DSCAM: variants seen among roughly 807,000 people sequenced by gnomAD.
DSCAM encodes the protein cell adhesion molecule DSCAM.
DSCAM carries 47 observed loss-of-function variants against 217.7 expected under a neutral mutation model. The observed-to-expected ratio is 0.22, with a 90% CI of 0.17 to 0.28. DSCAM has a LOEUF of 0.28. Among genes scored for constraint, DSCAM ranks in the 10% least tolerant of loss-of-function variants. DSCAM has a pLI of 1.00. For missense variants in DSCAM, 2,080 were observed against 2,618.3 expected, an observed-to-expected ratio of 0.79 and a Z score of 4.49; for synonymous variants, 1,056 against 1,015.3, an observed-to-expected ratio of 1.04 and a Z score of -0.76.
chr21:40,294,021 T>A (rs1429067446), intron 10 of DSCAM, among the ~76,000 whole-genome samples: 1 of 152,232 alleles, frequency 6.6e-6, no homozygotes, highest in African/African-American at 2.4e-5. Flanking sequence ...GCAGCAGTTA[T>A]CTTTGATCAT....
chr21:40,639,678 T>G (rs1353270228), intron 3 of DSCAM, among the ~76,000 whole-genome samples: 2 of 128,730 alleles, frequency 1.6e-5, no homozygotes, highest in Non-Finnish European at 3.4e-5. Flanking sequence ...TGTGTATGTG[T>G]ATGTGTGTGC....
At chr21:40,535,076 C>T (rs1394812614) in intron 3 of DSCAM, among the ~76,000 whole-genome samples, 1 of 152,100 alleles carries the variant, frequency 6.6e-6, no homozygotes, top group African/African-American at 2.4e-5. Context: ...TTCATGCTGG[C>T]TGGCCACCTG....
chr21:40,674,073 A>C (rs574861986), intron 3 of DSCAM, among the ~76,000 whole-genome samples: 4 of 152,218 alleles, frequency 2.6e-5, no homozygotes, highest in African/African-American at 9.7e-5. Flanking sequence ...GCTATTGCTT[A>C]ATGTATTATT....
chr21:40,278,733 GAGA>G (rs1197917089), intron 10 of DSCAM, among the ~76,000 whole-genome samples: 7 of 151,384 alleles, frequency 4.6e-5, no homozygotes, highest in South Asian at 2.1e-4. Context: ...AGAGGAGGAA[GAGA>G]AGGAGGAGGA....
chr21:40,093,894 T>C lies in DSCAM; in HGVS notation c.3697-20A>G, dbSNP rs1274010914. 2.5e-6 allele frequency: 4 copies of C among 1,601,690 alleles called. No individual in the cohort carries two copies. Among genetic ancestry groups the C allele is most frequent in the African/African-American group, 2.7e-5 (2 of 74,638 alleles). On this transcript the variant is annotated intron_variant, in intron 20 of 32. Coordinates refer to ENST00000400454, the MANE Select transcript of DSCAM (RefSeq NM_001389.5). ...GATCACCTGTAAAAAGAGACATAAG[T>C]GTTCCCACATTCAAAGAAGCATGTG... is the stretch of plus-strand genomic sequence containing the variant.
intron 3 of DSCAM, among the ~76,000 whole-genome samples, chr21:40,569,402 T>A (rs1468574983): frequency 4.6e-5 from 7 of 152,168 alleles, no homozygotes; most frequent in East Asian, 1.9e-4. Context: ...AAGGAGATTG[T>A]CTTTGATCGT....
At chr21:40,390,988 A>G (rs547604944) in intron 3 of DSCAM, among the ~76,000 whole-genome samples, 2 of 152,296 alleles carry the variant, frequency 1.3e-5, no homozygotes, top group African/African-American at 4.8e-5. Context: ...AAAAGAAAGA[A>G]AACTGTATCT....
chr21:40,189,645 C>G (rs1040048062), intron 11 of DSCAM, among the ~76,000 whole-genome samples: 1 of 152,104 alleles, frequency 6.6e-6, no homozygotes. Context: ...GGAGGCGGAT[C>G]TTTCCCATGC....
At chr21:40,078,147 AGT>A (rs1475608924) in intron 26 of DSCAM, among the ~76,000 whole-genome samples, 1 of 152,212 alleles carries the variant, frequency 6.6e-6, no homozygotes, top group Non-Finnish European at 1.5e-5. Flanking sequence ...GCAAGTGGCA[AGT>A]GTGTGTGAGT....
At chr21:40,250,938 A>G (rs1454568267) in intron 11 of DSCAM, among the ~76,000 whole-genome samples, 3 of 152,232 alleles carry the variant, frequency 2.0e-5, no homozygotes, top group Admixed American at 1.3e-4. Flanking sequence ...TTATCAGACC[A>G]GTTCTGGGCA....
chr21:40,254,604 G>T (rs756141361), intron 11 of DSCAM, among the ~76,000 whole-genome samples: 3 of 152,278 alleles, frequency 2.0e-5, no homozygotes, highest in South Asian at 2.1e-4. Context: ...GTTCACGGGG[G>T]TGGGTATAAA....
chr21:40,370,278 T>A (rs2074881678), intron 3 of DSCAM, among the ~76,000 whole-genome samples: 1 of 150,678 alleles, frequency 6.6e-6, no homozygotes, highest in Non-Finnish European at 1.5e-5. Context: ...AAAGTAGAGC[T>A]GAGAGTGCCT....
At chr21:40,425,382 G>A (rs1468415239) in intron 3 of DSCAM, among the ~76,000 whole-genome samples, 1 of 152,046 alleles carries the variant, frequency 6.6e-6, no homozygotes, top group Non-Finnish European at 1.5e-5. Context: ...CAAAAATTAT[G>A]AGTGAGAACA....
chr21:40,743,329 C>T (rs1601200355), intron 1 of DSCAM, among the ~76,000 whole-genome samples: 1 of 152,180 alleles, frequency 6.6e-6, no homozygotes, highest in South Asian at 2.1e-4. Flanking sequence ...TAAATTGTTT[C>T]TGCATCATCA....
At position 40,042,357 on chromosome 21, in the gene DSCAM, C is replaced by T; in HGVS notation, c.5686+14G>A. The T allele has an allele frequency of 6.2e-7, 1 of 1,610,534 alleles. No homozygotes were observed. Among genetic ancestry groups the T allele is most frequent in the Non-Finnish European group, 8.5e-7 (1 of 1,177,948 alleles). On this transcript the variant is annotated intron_variant, in intron 32 of 32. Coordinates refer to ENST00000400454, the MANE Select transcript of DSCAM (RefSeq NM_001389.5). ...TCCCTAAGCGACGGCCCCCAGGTGG[C>T]CTTGCTCACCTACCTGGCCGATGTG...
chr21:40,056,228 T>C (rs540212625), intron 28 of DSCAM, among the ~76,000 whole-genome samples: 1 of 152,186 alleles, frequency 6.6e-6, no homozygotes, highest in African/African-American at 2.4e-5. Context: ...GCACCAGATA[T>C]TCCAAAGATG....
At chr21:40,637,904 G>C (rs1263386929) in intron 3 of DSCAM, among the ~76,000 whole-genome samples, 2 of 151,636 alleles carry the variant, frequency 1.3e-5, no homozygotes, top group South Asian at 2.1e-4. Flanking sequence ...GGCAGGTCTT[G>C]AACTCCTGAC....
intron 3 of DSCAM, among the ~76,000 whole-genome samples, chr21:40,614,150 G>A (rs1309792493): frequency 6.6e-6 from 1 of 152,202 alleles, no homozygotes; most frequent in Non-Finnish European, 1.5e-5. Flanking sequence ...GCTGAGTGCA[G>A]CCCCAGGCCT....
At chr21:40,555,400 A>G (rs2076663205) in intron 3 of DSCAM, among the ~76,000 whole-genome samples, 18 of 152,240 alleles carry the variant, frequency 1.2e-4, no homozygotes, top group Admixed American at 1.2e-3. Flanking sequence ...ATGATATGTC[A>G]TTTCCACAGT....
Sources: gnomAD v4.1 joint callset for allele counts (sites outside exome capture counted in the v4.1 genomes callset) on GRCh38, gnomAD v4.1.1 for gene constraint, MANE v1.5 for transcripts, NCBI Gene and HGNC (gene_info 2026-07-23, HGNC 2026-07-21) for gene names.